RCBTB1: variants seen among roughly 807,000 people sequenced by gnomAD.
The protein encoded by RCBTB1 is RCC1 and BTB domain-containing protein 1.
Under a neutral mutation model 62.4 loss-of-function variants are expected in RCBTB1, and 46 were observed. That is an observed-to-expected ratio of 0.74 (90% CI 0.58 to 0.94). RCBTB1 has a LOEUF of 0.94. Ranked by LOEUF, RCBTB1 falls within the 40% of genes least tolerant of loss-of-function variation. The pLI, the probability that RCBTB1 is intolerant of heterozygous loss-of-function variation, is 0.00. For missense variants in RCBTB1, 565 were observed against 654.9 expected, an observed-to-expected ratio of 0.86 and a Z score of 1.50; for synonymous variants, 222 against 245.8, an observed-to-expected ratio of 0.90 and a Z score of 0.91.
At chr13:49,558,947 C>T (rs1004089918) in intron 5 of RCBTB1, among the ~76,000 whole-genome samples, 1 of 152,098 alleles carries the variant, frequency 6.6e-6, no homozygotes, top group Non-Finnish European at 1.5e-5. Flanking sequence ...TCTCTTATTG[C>T]TTTTATTAAT....
At chr13:49,541,061 C>G (rs934575529) in intron 11 of RCBTB1, 55 bp from the exon 12 acceptor site, 3 of 1,534,106 alleles carry the variant, frequency 2.0e-6, no homozygotes, top group Non-Finnish European at 2.7e-6. Context: ...TTCCAATACA[C>G]AGAGATTTTG....
intron 6 of RCBTB1, among the ~76,000 whole-genome samples, chr13:49,554,018 A>G (rs1267856812): frequency 6.6e-6 from 1 of 152,254 alleles, no homozygotes; most frequent in African/African-American, 2.4e-5. Context: ...TATGTGGGTC[A>G]TTCACAGAAG....
In RCBTB1 at chr13:49,558,764, ACAGT is replaced by A. The variant is rs375976880; in HGVS notation, c.444+1150_444+1153del. ...ATACAAATGCATAACAATAAACAAC[ACAGT>A]CAAACACCCTCAGTGAGCTGTCACA... is the stretch of plus-strand genomic sequence containing the variant. On this transcript the variant is annotated intron_variant, in intron 5 of 12. Transcript: ENST00000378302. 1.6e-4 allele frequency among the ~76,000 whole-genome samples: 25 copies of A among 152,050 alleles called. 1 individual carries two copies. In the South Asian group the frequency reaches 4.8e-3, roughly 29 times the overall value.
At position 49,552,175 on chromosome 13, in the gene RCBTB1, T is replaced by C; in HGVS notation, c.711+3A>G. 1 of 1,561,598 alleles carries C rather than the reference T, an allele frequency of 6.4e-7. No homozygotes were observed. Among genetic ancestry groups the C allele is most frequent in the Non-Finnish European group, 8.7e-7 (1 of 1,147,874 alleles). ...CCACTAACTGAGAGTGCACCACACG[T>C]ACCTGGTTCACACACACGCTGTGCA... On this transcript the variant is annotated splice_donor_region_variant and intron_variant, in intron 7 of 12. Coordinates refer to ENST00000378302, the MANE Select transcript of RCBTB1 (RefSeq NM_018191.4).
intron 4 of RCBTB1, among the ~76,000 whole-genome samples, chr13:49,564,101 C>A (rs2137297032): frequency 6.6e-6 from 1 of 152,254 alleles, no homozygotes; most frequent in South Asian, 2.1e-4. Flanking sequence ...CGATTACACA[C>A]ACATACAAAA....
intron 2 of RCBTB1, among the ~76,000 whole-genome samples, chr13:49,571,999 A>G (rs1963428095): frequency 6.6e-6 from 1 of 152,148 alleles, no homozygotes; most frequent in South Asian, 2.1e-4. Flanking sequence ...AATCTACGTC[A>G]GACTTAAGAA....
intron 9 of RCBTB1, chr13:49,547,293 A>C: frequency 1.4e-6 from 1 of 725,268 alleles, no homozygotes; most frequent in Non-Finnish European, 2.0e-6. Context: ...CCTTGCCTCC[A>C]TGCCCATGAC....
chr13:49,537,962 T>C (rs149758789), intron 12 of RCBTB1: 2 of 152,360 alleles, frequency 1.3e-5, no homozygotes, highest in East Asian at 3.9e-4. Flanking sequence ...AAACGGGGCA[T>C]GGAGGAACCT....
At chr13:49,571,774 A>T (rs543175786) in intron 2 of RCBTB1, among the ~76,000 whole-genome samples, 99 of 152,232 alleles carry the variant, frequency 6.5e-4, no homozygotes, top group African/African-American at 2.3e-3. Flanking sequence ...TTTACTCAAA[A>T]TTACCACCAT....
chr13:49,543,697 A>T (rs975589722), intron 10 of RCBTB1, among the ~76,000 whole-genome samples: 1 of 152,136 alleles, frequency 6.6e-6, no homozygotes, highest in African/African-American at 2.4e-5. Context: ...ACTATATCTT[A>T]AAAACTTTTT....
chr13:49,542,684 A>G (rs1213246717), intron 10 of RCBTB1, among the ~76,000 whole-genome samples: 1 of 151,016 alleles, frequency 6.6e-6, no homozygotes, highest in Non-Finnish European at 1.5e-5. Flanking sequence ...TTTCTGACTT[A>G]TCGTCAAAAC....
At chr13:49,541,643 T>C (rs1212833526) in intron 11 of RCBTB1, 33 bp downstream of exon 11, 2 of 1,578,912 alleles carry the variant, frequency 1.3e-6, no homozygotes, top group Non-Finnish European at 1.7e-6. Flanking sequence ...TTCTCCACCA[T>C]GCGGCTCGTC....
At chr13:49,568,731 C>T (rs903025603) in intron 2 of RCBTB1, among the ~76,000 whole-genome samples, 1 of 152,030 alleles carries the variant, frequency 6.6e-6, no homozygotes, top group African/African-American at 2.4e-5. Flanking sequence ...GAGATCGAGA[C>T]CATCCTGACC....
At chr13:49,562,707 G>A (rs1300083941) in intron 4 of RCBTB1, among the ~76,000 whole-genome samples, 1 of 149,992 alleles carries the variant, frequency 6.7e-6, no homozygotes, top group Non-Finnish European at 1.5e-5. Context: ...CAAACTCCTG[G>A]GCTCAACTGA....
At chr13:49,567,939 G>C (rs117726715) in intron 2 of RCBTB1, among the ~76,000 whole-genome samples, 4,399 of 152,250 alleles carry the variant, frequency 0.029, 109 homozygotes, top group East Asian at 0.11. Flanking sequence ...ACAAGTAAAA[G>C]ATTTGACAGG....
chr13:49,540,062 C>G (rs373995973), intron 12 of RCBTB1, among the ~76,000 whole-genome samples: 2 of 152,194 alleles, frequency 1.3e-5, no homozygotes, highest in African/African-American at 4.8e-5. Context: ...TATTTTGAAA[C>G]TCCAAGGCTA....
At chr13:49,573,313 T>C (rs1219121401) in intron 2 of RCBTB1, among the ~76,000 whole-genome samples, 2 of 152,222 alleles carry the variant, frequency 1.3e-5, no homozygotes, top group East Asian at 3.8e-4. Flanking sequence ...ATTTTTATTC[T>C]ATTTTTTGGC....
At chr13:49,577,566 G>T (rs1049434350) in intron 2 of RCBTB1, among the ~76,000 whole-genome samples, 5 of 152,134 alleles carry the variant, frequency 3.3e-5, no homozygotes, top group African/African-American at 9.7e-5. Flanking sequence ...CACCAATAGG[G>T]TATTCTACCT....
chr13:49,545,434 T>C (rs1960712397), intron 9 of RCBTB1, among the ~76,000 whole-genome samples: 1 of 152,310 alleles, frequency 6.6e-6, no homozygotes, highest in Admixed American at 6.5e-5. Flanking sequence ...CCTTACTCAC[T>C]GTCTAAACAC....
Sources: gnomAD v4.1 joint callset for allele counts (sites outside exome capture counted in the v4.1 genomes callset) on GRCh38, gnomAD v4.1.1 for gene constraint, MANE v1.5 for transcripts, NCBI Gene and HGNC (gene_info 2026-07-23, HGNC 2026-07-21) for gene names.